The following SMAP2 variants were observed in gnomAD, a reference collection of about 807,000 sequenced individuals.
SMAP2 encodes stromal membrane-associated protein 2.
In SMAP2, 25 loss-of-function variants were observed where a neutral mutation model predicts 56.4. That is an observed-to-expected ratio of 0.44 (90% CI 0.32 to 0.62). The LOEUF (loss-of-function observed/expected upper bound fraction) is 0.62. SMAP2 is among the 20% of genes least tolerant of loss of function. SMAP2 has a pLI of 0.04. For missense variants in SMAP2, 388 were observed against 545.6 expected, an observed-to-expected ratio of 0.71 and a Z score of 2.88; for synonymous variants, 157 against 181.7, an observed-to-expected ratio of 0.86 and a Z score of 1.09.
intron 9 of SMAP2, 132 bp downstream of exon 9, chr1:40,417,228 C>CA: frequency 2.3e-6 from 1 of 427,836 alleles, no homozygotes; most frequent in Non-Finnish European, 4.1e-6. Context: ...GTTAGGTTTG[C>CA]TTTTTTTTTT....
chr1:40,361,880 A>G (rs1397012297), intron 1 of SMAP2, among the ~76,000 whole-genome samples: 1 of 152,310 alleles, frequency 6.6e-6, no homozygotes, highest in East Asian at 1.9e-4. Context: ...CATTTTTGAC[A>G]AAGTGTGCAT....
chr1:40,414,143 CAT>C lies in SMAP2; in HGVS notation c.490-13_490-12del, dbSNP rs1160792836. On this transcript the variant is annotated splice_polypyrimidine_tract_variant and intron_variant, in intron 5 of 9. Coordinates refer to ENST00000372718, the MANE Select transcript of SMAP2 (RefSeq NM_022733.3). Reference sequence around the variant, plus strand: ...ACCACCTGCTTATTTCTTGCTATAACATATTTTCACCTTAGCCACAGAAAAAA... The same window carrying C: ...ACCACCTGCTTATTTCTTGCTATAACATTTTCACCTTAGCCACAGAAAAAA... The C allele has an allele frequency of 4.3e-6, 7 of 1,612,696 alleles. No individual in the cohort carries two copies. The highest frequency in any genetic ancestry group is 3.3e-5 in the Admixed American group (2 of 59,956).
Position 40,422,453 on chromosome 1 carries a change from G to T in SMAP2, c.*352G>T. On this transcript the variant is annotated 3_prime_UTR_variant, in exon 10 of 10. Transcript: ENST00000372718. The stretch of plus-strand genomic sequence containing the variant: ...TCCTGTCAGACTCTCAGAAGGGTCT[G>T]TGGGTGTTGTATATTAGGCAAACAG... 1 of 259,204 alleles carries T rather than the reference G, an allele frequency of 3.9e-6. No individual in the cohort carries two copies. The highest frequency in any genetic ancestry group is 7.9e-6 in the Non-Finnish European group (1 of 127,366). 16.1% of individuals were successfully genotyped at this position (259,204 alleles called of 1,614,324 possible). A position where few individuals can be genotyped will look rare whatever the true frequency, so the allele number is the denominator to read the frequency against.
rs190613143 is a variant in SMAP2 at position 40,363,233 on chromosome 1, G to T, written c.55+797G>T. Among the ~76,000 whole-genome samples, 1,049 of 152,252 alleles carry T rather than the reference G, an allele frequency of 6.9e-3. 7 individuals carry two copies. The highest frequency in any genetic ancestry group is 0.024 in the Middle Eastern group (7 of 294). On this transcript the variant is annotated intron_variant, in intron 2 of 6. Transcript: ENST00000435168. ...AATGTGGGAAAGGAAGTCTGGGGGA[G>T]TATATATAAAGAAATCTAAATCTTC...
chr1:40,362,511 C>A (rs1287564591), intron 2 of SMAP2: 1 of 152,202 alleles, frequency 6.6e-6, no homozygotes, highest in Non-Finnish European at 1.5e-5. Flanking sequence ...GGGTTGGCAA[C>A]TCTTTTTTTT....
chr1:40,375,996 G>A (rs1205505992), intron 1 of SMAP2, among the ~76,000 whole-genome samples: 1 of 151,980 alleles, frequency 6.6e-6, no homozygotes, highest in Non-Finnish European at 1.5e-5. Context: ...TGTCGCCCAG[G>A]CTGGAGTGCA....
chr1:40,360,547 C>T (rs1330697581), intron 1 of SMAP2, among the ~76,000 whole-genome samples: 1 of 152,158 alleles, frequency 6.6e-6, no homozygotes, highest in Non-Finnish European at 1.5e-5. Flanking sequence ...AGGTCATCCA[C>T]CTGCCTCGGC....
intron 1 of SMAP2, among the ~76,000 whole-genome samples, chr1:40,402,418 A>G (rs1265391909): frequency 2.6e-5 from 4 of 151,988 alleles, no homozygotes; most frequent in African/African-American, 9.7e-5. Context: ...GATTTATTGA[A>G]CACTAGATCT....
chr1:40,390,964 T>C (rs1644709955), intron 1 of SMAP2, among the ~76,000 whole-genome samples: 1 of 152,024 alleles, frequency 6.6e-6, no homozygotes, highest in Non-Finnish European at 1.5e-5. Context: ...AAATGGTTCC[T>C]CTAGAGCAGG....
intron 1 of SMAP2, among the ~76,000 whole-genome samples, chr1:40,380,529 C>CTTTTTTTTTT (rs370625950): frequency 1.4e-5 from 2 of 142,876 alleles, no homozygotes; most frequent in African/African-American, 2.6e-5. Context: ...ATCTGTGGCA[C>CTTTTTTTTTT]TTTTTTTTTT....
chr1:40,357,651 C>T (rs1644442387), intron 1 of SMAP2, among the ~76,000 whole-genome samples: 1 of 152,152 alleles, frequency 6.6e-6, no homozygotes, highest in Non-Finnish European at 1.5e-5. Context: ...TATAGGTATG[C>T]AGTTTCCCTA....
At chr1:40,372,355 T>TG (rs1644501779), upstream of SMAP2, among the ~76,000 whole-genome samples, 1 of 152,122 alleles carries the variant, frequency 6.6e-6, no homozygotes, top group African/African-American at 2.4e-5. Context: ...TTGCCCAGGC[T>TG]GGATTCCAAC....
intron 1 of SMAP2, among the ~76,000 whole-genome samples, chr1:40,353,269 T>C (rs1406891820): frequency 6.6e-6 from 1 of 152,226 alleles, no homozygotes; most frequent in African/African-American, 2.4e-5. Flanking sequence ...TGGAAGATGA[T>C]GCAATGTTTA....
chr1:40,363,616 A>T (rs1419168479), intron 2 of SMAP2, among the ~76,000 whole-genome samples: 1 of 152,226 alleles, frequency 6.6e-6, no homozygotes, highest in Non-Finnish European at 1.5e-5. Flanking sequence ...CACACAAAAA[A>T]TCACCTTCAT....
intron 1 of SMAP2, among the ~76,000 whole-genome samples, chr1:40,349,554 C>T (rs1203849250): frequency 6.6e-6 from 1 of 152,120 alleles, no homozygotes; most frequent in Non-Finnish European, 1.5e-5. Context: ...GAATCTCACT[C>T]TGTCACCAGG....
intron 2 of SMAP2, among the ~76,000 whole-genome samples, chr1:40,365,573 C>T (rs1006810513): frequency 2.6e-5 from 4 of 152,166 alleles, no homozygotes; most frequent in African/African-American, 9.7e-5. Flanking sequence ...CGGTCTACAG[C>T]TCCCAGCGTG....
chr1:40,360,555 G>T (rs943226523), intron 1 of SMAP2, among the ~76,000 whole-genome samples: 1 of 152,022 alleles, frequency 6.6e-6, no homozygotes, highest in African/African-American at 2.4e-5. Context: ...CACCTGCCTC[G>T]GCCTCCCAAA....
chr1:40,384,397 G>A (rs1303415392), intron 1 of SMAP2, among the ~76,000 whole-genome samples: 2 of 152,202 alleles, frequency 1.3e-5, no homozygotes, highest in African/African-American at 2.4e-5. Flanking sequence ...ATTTTGTCTT[G>A]TAAGGAATGT....
At position 40,409,312 on chromosome 1, in the gene SMAP2, T is replaced by C. The variant is rs75317519; in HGVS notation, c.324-445T>C. 3.4e-3 allele frequency among the ~76,000 whole-genome samples: 523 copies of C among 152,312 alleles called. 2 individuals carry two copies. The highest frequency in any genetic ancestry group is 0.012 in the African/African-American group (485 of 41,586). On this transcript the variant is annotated intron_variant, in intron 3 of 9. Coordinates refer to ENST00000372718, the MANE Select transcript of SMAP2 (RefSeq NM_022733.3). ...TTTTTTAATGGGTTCAGGTGGAACC[T>C]GTTAAATGCAGATTTGGGGCCTTGC...
Sources: allele counts gnomAD v4.1 joint callset (sites outside exome capture counted in the v4.1 genomes callset), GRCh38; gene constraint gnomAD v4.1.1; transcripts MANE v1.5; gene names NCBI Gene and HGNC (gene_info 2026-07-23, HGNC 2026-07-21).